ERC1: variants seen among roughly 807,000 people sequenced by gnomAD.
ERC1 encodes RAB6 interacting protein 2.
Under a neutral mutation model 132.0 loss-of-function variants are expected in ERC1, and 56 were observed. The ratio of observed to expected loss-of-function variants is 0.42; its 90% confidence interval spans 0.34 to 0.53. The LOEUF (loss-of-function observed/expected upper bound fraction) is 0.53, where lower values mean the gene tolerates loss of function less well. Ranked by LOEUF, ERC1 falls within the 20% of genes least tolerant of loss-of-function variation. The probability of loss-of-function intolerance (pLI) is 0.03; values close to 1 mark genes in which losing one functional copy is unlikely to be tolerated. For synonymous variants in ERC1, 478 were observed against 476.1 expected (o/e 1.00, Z -0.05); for missense variants, 1,202 against 1,349.9 (o/e 0.89, Z 1.72).
At chr12:1,241,793 C>A (rs2075809165) in intron 13 of ERC1, among the ~76,000 whole-genome samples, 1 of 148,522 alleles carries the variant, frequency 6.7e-6, no homozygotes, top group Non-Finnish European at 1.5e-5. Flanking sequence ...GTTTCCATTT[C>A]ATTCTAGATT....
chr12:1,353,572 T>C (rs953868176), intron 15 of ERC1, among the ~76,000 whole-genome samples: 19 of 152,222 alleles, frequency 1.2e-4, no homozygotes, highest in Non-Finnish European at 2.8e-4. Flanking sequence ...AAAGCTGGTA[T>C]AGGCACCAGC....
chr12:1,398,426 A>G (rs2090727501), intron 16 of ERC1, among the ~76,000 whole-genome samples: 1 of 152,196 alleles, frequency 6.6e-6, no homozygotes, highest in South Asian at 2.1e-4. Flanking sequence ...AGCATAAGAG[A>G]AAAAAATATA....
At chr12:1,037,028 A>G (rs1592851042) in intron 2 of ERC1, among the ~76,000 whole-genome samples, 2 of 152,330 alleles carry the variant, frequency 1.3e-5, no homozygotes, top group South Asian at 4.1e-4. Context: ...TCAGGTCTTG[A>G]TCATAGGTGA....
intron 2 of ERC1, among the ~76,000 whole-genome samples, chr12:1,081,952 T>C (rs185960915): frequency 2.6e-4 from 37 of 144,574 alleles, no homozygotes; most frequent in African/African-American, 9.0e-4. Flanking sequence ...AAACTACTTG[T>C]TAAATGTTAA....
At chr12:1,289,751 G>A (rs537957294) in intron 14 of ERC1, 101 bp from the exon 15 acceptor site, 37 of 828,054 alleles carry the variant, frequency 4.5e-5, no homozygotes, top group Middle Eastern at 2.5e-4. Context: ...GTGTTCCTGC[G>A]TCTCTTCAAT....
At chr12:1,270,341 G>A (rs2077749221) in intron 14 of ERC1, among the ~76,000 whole-genome samples, 1 of 152,046 alleles carries the variant, frequency 6.6e-6, no homozygotes, top group South Asian at 2.1e-4. Context: ...CCAAGTAGCT[G>A]GGACTAAAGG....
At chr12:1,426,600 C>T (rs1393189873) in intron 17 of ERC1, among the ~76,000 whole-genome samples, 1 of 152,196 alleles carries the variant, frequency 6.6e-6, no homozygotes. Flanking sequence ...TTGCTCTAGA[C>T]TATACAGCTT....
intron 15 of ERC1, among the ~76,000 whole-genome samples, chr12:1,347,758 A>G (rs1013826124): frequency 4.6e-5 from 7 of 152,200 alleles, no homozygotes; most frequent in Admixed American, 3.9e-4. Context: ...CGAGACGGGC[A>G]GATCACCTGA....
intron 1 of ERC1, among the ~76,000 whole-genome samples, chr12:1,020,319 T>C (rs1365101917): frequency 6.6e-6 from 1 of 152,076 alleles, no homozygotes; most frequent in Non-Finnish European, 1.5e-5. Context: ...TAGCAGGGCC[T>C]GGTGGCACAT....
At chr12:1,328,139 G>GTGTT (rs1181363081) in intron 15 of ERC1, among the ~76,000 whole-genome samples, 3 of 151,850 alleles carry the variant, frequency 2.0e-5, no homozygotes, top group African/African-American at 4.8e-5. Flanking sequence ...TTGTTTGTTT[G>GTGTT]TGTTTGTTTG....
At chr12:1,070,806 A>T (rs1378572741) in intron 2 of ERC1, among the ~76,000 whole-genome samples, 1 of 152,180 alleles carries the variant, frequency 6.6e-6, no homozygotes, top group Non-Finnish European at 1.5e-5. Flanking sequence ...TTCTGTCAAG[A>T]TACAGAACAT....
At chr12:1,275,207 G>T (rs1013089000) in intron 14 of ERC1, among the ~76,000 whole-genome samples, 1 of 152,174 alleles carries the variant, frequency 6.6e-6, no homozygotes, top group African/African-American at 2.4e-5. Context: ...AGTATTCCAG[G>T]CTGGGCACAG....
At chr12:1,011,508 C>T (rs571087795) in intron 1 of ERC1, among the ~76,000 whole-genome samples, 1 of 152,260 alleles carries the variant, frequency 6.6e-6, no homozygotes, top group Admixed American at 6.5e-5. Flanking sequence ...GTTTGGCCAA[C>T]ATTTTCCTTT....
chr12:1,460,086 T>C (rs1181367138), intron 18 of ERC1, among the ~76,000 whole-genome samples: 1 of 152,254 alleles, frequency 6.6e-6, no homozygotes, highest in East Asian at 1.9e-4. Flanking sequence ...ATTTCTGTTT[T>C]ATTCAGTGAG....
chr12:1,369,285 G>A lies in ERC1; in HGVS notation c.2781-2548G>A, dbSNP rs571698929. Among the ~76,000 whole-genome samples, 7 of 152,258 alleles carry A rather than the reference G, an allele frequency of 4.6e-5. No individual in the cohort carries two copies. The East Asian group carries it at 1.4e-3, about 29-fold the overall frequency. ...GAACTGTACCACACTAGCTGTCCAA[G>A]CATACCATTTATGAAAGAGTTTGGA... On this transcript the variant is annotated intron_variant, in intron 15 of 18. Coordinates refer to ENST00000360905, the MANE Select transcript of ERC1 (RefSeq NM_178040.4).
At chr12:1,379,515 T>C (rs1566722091) in intron 16 of ERC1, among the ~76,000 whole-genome samples, 2 of 152,176 alleles carry the variant, frequency 1.3e-5, no homozygotes, top group African/African-American at 4.8e-5. Flanking sequence ...CACCGGCGTT[T>C]GAAGTTTTTG....
intron 8 of ERC1, among the ~76,000 whole-genome samples, chr12:1,155,374 A>T (rs2968885): frequency 0.36 from 54,445 of 150,268 alleles, 12,653 homozygotes; most frequent in African/African-American, 0.66. Flanking sequence ...CACTACTAGG[A>T]GTCTACCCAA....
At chr12:1,301,474 A>G (rs1392809394) in intron 15 of ERC1, among the ~76,000 whole-genome samples, 2 of 152,210 alleles carry the variant, frequency 1.3e-5, no homozygotes, top group African/African-American at 4.8e-5. Context: ...ACCATGGAAT[A>G]TTGTGCAGCC....
At chr12:1,392,966 G>T (rs756204493) in intron 16 of ERC1, among the ~76,000 whole-genome samples, 26 of 152,276 alleles carry the variant, frequency 1.7e-4, no homozygotes, top group Non-Finnish European at 3.1e-4. Context: ...TATATACAGA[G>T]AAATCCTTTT....
Sources: allele counts gnomAD v4.1 joint callset (sites outside exome capture counted in the v4.1 genomes callset), GRCh38; gene constraint gnomAD v4.1.1; transcripts MANE v1.5; gene names NCBI Gene and HGNC (gene_info 2026-07-23, HGNC 2026-07-21).